SCTR: variants seen among roughly 807,000 people sequenced by gnomAD.
SCTR encodes pancreatic secretin receptor.
Under a neutral mutation model 60.8 loss-of-function variants are expected in SCTR, and 56 were observed. That is an observed-to-expected ratio of 0.92 (90% CI 0.74 to 1.15). The LOEUF (loss-of-function observed/expected upper bound fraction) is 1.15. Ranked by LOEUF, SCTR falls within the 50% of genes most tolerant of loss-of-function variation. SCTR has a pLI of 0.00. For missense variants in SCTR, 562 were observed against 550.4 expected (o/e 1.02, Z -0.21); for synonymous variants, 202 against 217.0 (o/e 0.93, Z 0.61).
chr2:119,472,871 C>T (rs1677084554), intron 4 of SCTR, among the ~76,000 whole-genome samples: 1 of 152,152 alleles, frequency 6.6e-6, no homozygotes, highest in African/African-American at 2.4e-5. Context: ...GGCAATCCTC[C>T]CACCTCATCC....
At position 119,478,758 on chromosome 2, in the gene SCTR, C is replaced by T. The variant is rs569494379; in HGVS notation, c.301+53G>A. 1,820 of 1,581,822 alleles carry T rather than the reference C, an allele frequency of 1.2e-3. 3 individuals are homozygous for T. Among genetic ancestry groups the T allele is most frequent in the Non-Finnish European group, 1.3e-3 (1,555 of 1,154,366 alleles). ...TCCTGCCTCTAAGCTGAGGCCCCAC[C>T]CAGAGGGACACCCCTCAGCCTGTCC... is the stretch of plus-strand genomic sequence containing the variant. On this transcript the variant is annotated intron_variant, in intron 3 of 12. Coordinates refer to ENST00000019103, the MANE Select transcript of SCTR (RefSeq NM_002980.3).
chr2:119,466,764 TATACATACATAC>T (rs3052360), intron 4 of SCTR, among the ~76,000 whole-genome samples: 7 of 151,204 alleles, frequency 4.6e-5, no homozygotes, highest in African/African-American at 1.5e-4. Context: ...TAAATAAATA[TATACATACATAC>T]ATACATACAT....
At chr2:119,478,064 G>A (rs1361751876) in intron 3 of SCTR, among the ~76,000 whole-genome samples, 1 of 152,194 alleles carries the variant, frequency 6.6e-6, no homozygotes, top group East Asian at 1.9e-4. Flanking sequence ...AGGCTGGTGG[G>A]TTTTAGTGTT....
rs1001162551 is a variant in SCTR, at chr2:119,518,182, C to T, written c.72+5973G>A. Among the ~76,000 whole-genome samples the T allele has an allele frequency of 3.9e-5, 6 of 152,204 alleles. No individual in the cohort carries two copies. The South Asian group carries it at 1.2e-3, about 32-fold the overall frequency. ...CGAGATTAATTTCTTTTGTTTAAGTCCCCAAGTCTGTGGTATTTTGTTATG... is the reference window on the plus strand; with the variant it reads ...CGAGATTAATTTCTTTTGTTTAAGTTCCCAAGTCTGTGGTATTTTGTTATG... On this transcript the variant is annotated intron_variant, in intron 1 of 12. Transcript: ENST00000019103.
rs1321852681 is a variant in SCTR, at chr2:119,461,922, A to G, written c.715T>C (p.Tyr239His). 1 of 1,613,984 alleles carries G rather than the reference A, an allele frequency of 6.2e-7. No homozygotes were observed. The highest frequency in any genetic ancestry group is 8.5e-7 in the Non-Finnish European group (1 of 1,179,934). Residue 239 changes from tyrosine to histidine, a missense_variant, in exon 7 of 13, where the codon TAC becomes CAC. Coordinates refer to ENST00000019103, the MANE Select transcript of SCTR (RefSeq NM_002980.3). ...GAGATGGCGAGGAGTGTGTGAAGGT[A>G]GAGGCCTTCCACCAGCAGCCAGGAG... ...NYSWLLVEGLYLHTLLAISFF... is the reference protein window; with the variant it reads ...NYSWLLVEGLHLHTLLAISFF...
intron 10 of SCTR, 65 bp downstream of exon 10, chr2:119,448,624 T>C: frequency 1.1e-6 from 1 of 913,448 alleles, no homozygotes; most frequent in Non-Finnish European, 1.8e-6. Context: ...ACCAGTTAAG[T>C]AAACAGTAGG....
intron 11 of SCTR, among the ~76,000 whole-genome samples, chr2:119,442,332 C>T (rs1682685918): frequency 6.6e-6 from 1 of 152,242 alleles, no homozygotes; most frequent in Admixed American, 6.5e-5. Flanking sequence ...TCCAGATCAG[C>T]AGGAAGCAGT....
Position 119,440,011 on chromosome 2 carries a change from G to A in SCTR, c.*106C>T. On this transcript the variant is annotated 3_prime_UTR_variant, in exon 13 of 13. Transcript: ENST00000019103. ...CTGGGGAGGGGCATCTTCAGCTGAA[G>A]GAGGACACAGGGTGTCTGCTGGGAA... 1 of 1,213,314 alleles carries A rather than the reference G, an allele frequency of 8.2e-7. No individual in the cohort carries two copies. Among genetic ancestry groups the A allele is most frequent in the South Asian group, 1.5e-5 (1 of 67,522 alleles). 75.2% of individuals were successfully genotyped at this position (1,213,314 alleles called of 1,614,324 possible).
chr2:119,511,298 A>G (rs183460513), intron 1 of SCTR, among the ~76,000 whole-genome samples: 60 of 152,316 alleles, frequency 3.9e-4, no homozygotes, highest in African/African-American at 1.3e-3. Flanking sequence ...GGGAAGAGAA[A>G]GATGAGATGT....
At position 119,444,277 on chromosome 2, in the gene SCTR, A is replaced by ACATATATACG. The variant is rs1362443347; in HGVS notation, c.1140+2481_1140+2482insCGTATATATG. ...TACATATGAATATATACATATATAC[A>ACATATATACG]TATGAATATATACACATATATACGT... On this transcript the variant is annotated intron_variant, in intron 11 of 12. Coordinates refer to ENST00000019103, the MANE Select transcript of SCTR (RefSeq NM_002980.3). Among the ~76,000 whole-genome samples the ACATATATACG allele has an allele frequency of 3.0e-4, 23 of 75,968 alleles. 2 individuals are homozygous for ACATATATACG. Among genetic ancestry groups the ACATATATACG allele is most frequent in the African/African-American group, 1.1e-3 (17 of 15,512 alleles). 49.8% of individuals were successfully genotyped at this position (75,968 alleles called of 152,430 possible). A position where few individuals can be genotyped will look rare whatever the true frequency, so the allele number is the denominator to read the frequency against.
chr2:119,473,986 C>T, intron 3 of SCTR, among the ~76,000 whole-genome samples: 1 of 152,234 alleles, frequency 6.6e-6, no homozygotes, highest in Non-Finnish European at 1.5e-5. Context: ...CCTGCTCACT[C>T]AGCCATTTGA....
At chr2:119,467,635 G>T (rs566045782) in intron 4 of SCTR, among the ~76,000 whole-genome samples, 144 of 152,108 alleles carry the variant, frequency 9.5e-4, no homozygotes, top group Non-Finnish European at 1.4e-3. Context: ...TTGATTCTAA[G>T]AAATAATCAG....
intron 1 of SCTR, among the ~76,000 whole-genome samples, chr2:119,505,608 A>G (rs944234883): frequency 1.1e-4 from 12 of 110,284 alleles, no homozygotes; most frequent in Non-Finnish European, 9.5e-5. Context: ...TCGCAAGGAC[A>G]AAAAACCAAA....
intron 7 of SCTR, among the ~76,000 whole-genome samples, chr2:119,461,468 T>A (rs1234039946): frequency 1.3e-5 from 2 of 152,136 alleles, no homozygotes; most frequent in Non-Finnish European, 2.9e-5. Flanking sequence ...TCCCATCACT[T>A]TGGGAGGCCG....
chr2:119,443,673 A>G (rs1682742270), intron 11 of SCTR, among the ~76,000 whole-genome samples: 1 of 151,928 alleles, frequency 6.6e-6, no homozygotes, highest in African/African-American at 2.4e-5. Context: ...CAGCCTCCCG[A>G]GTAACTGGGA....
chr2:119,466,750 C>CAAAT (rs1462420530), intron 4 of SCTR, among the ~76,000 whole-genome samples: 4 of 146,252 alleles, frequency 2.7e-5, no homozygotes, highest in Non-Finnish European at 5.9e-5. Context: ...GACCCTGTCT[C>CAAAT]AAATAAATAA....
intron 9 of SCTR, among the ~76,000 whole-genome samples, chr2:119,451,128 C>G (rs1683149237): frequency 6.6e-6 from 1 of 152,196 alleles, no homozygotes; most frequent in Admixed American, 6.5e-5. Context: ...GTCCTGTGCC[C>G]TCTCCCCCTA....
rs560211100 is a variant in SCTR at position 119,519,271 on chromosome 2, C to T, written c.72+4884G>A. On this transcript the variant is annotated intron_variant, in intron 1 of 12. Transcript: ENST00000019103. ...ATTACAGGCATGGGCCACCGCGCTC[C>T]GCCTAAGTGGACTCCCCTAAACTGT... Among the ~76,000 whole-genome samples the T allele has an allele frequency of 9.9e-5, 15 of 152,196 alleles. No homozygotes were observed. In the South Asian group the frequency reaches 1.2e-3, roughly 13 times the overall value.
At chr2:119,506,603 C>T (rs935937530) in intron 1 of SCTR, among the ~76,000 whole-genome samples, 1 of 152,012 alleles carries the variant, frequency 6.6e-6, no homozygotes, top group Non-Finnish European at 1.5e-5. Context: ...GCCTTAGCTT[C>T]CTGCACAGGT....
Sources: gnomAD v4.1 joint callset for allele counts (sites outside exome capture counted in the v4.1 genomes callset) on GRCh38, gnomAD v4.1.1 for gene constraint, MANE v1.5 for transcripts, NCBI Gene and HGNC (gene_info 2026-07-23, HGNC 2026-07-21) for gene names.